The following CACNB2 variants were observed in gnomAD, a reference collection of about 807,000 sequenced individuals.
The protein encoded by CACNB2 is calcium voltage-gated channel auxiliary subunit beta 2.
In CACNB2, 42 loss-of-function variants were observed where a neutral mutation model predicts 73.3. The observed-to-expected ratio is 0.57, with a 90% CI of 0.45 to 0.74. The LOEUF (loss-of-function observed/expected upper bound fraction) is 0.74, where lower values mean the gene tolerates loss of function less well. CACNB2 is among the 30% of genes least tolerant of loss of function. The probability of loss-of-function intolerance (pLI) is 0.00; values close to 1 mark genes in which losing one functional copy is unlikely to be tolerated. For missense variants in CACNB2, 940 were observed against 853.0 expected (o/e 1.10, Z -1.27); for synonymous variants, 348 against 310.3 (o/e 1.12, Z -1.28).
chr10:18,370,401 G>A (rs11013889), intron 2 of CACNB2, among the ~76,000 whole-genome samples: 44,326 of 152,032 alleles, frequency 0.29, 6,888 homozygotes, highest in East Asian at 0.65. Flanking sequence ...GGATTCAAGT[G>A]GTTCTCTTGC....
In CACNB2 at chr10:18,527,689, C is replaced by A; in HGVS notation, c.1046C>A (p.Ser349Ter). The A allele has an allele frequency of 6.2e-7, 1 of 1,607,464 alleles. No homozygotes were observed. The highest frequency in any genetic ancestry group is 1.1e-5 in the South Asian group (1 of 90,938). ...ATAATAGAAAGATCCAACACAAGGT[C>A]AAGCTTAGGTAAGTCTGTGCAATGA... ...HAIIERSNTR[S>*]SLAEVQSEIE... Residue 349 changes from serine (S) to a stop codon, truncating the protein, a stop_gained, in exon 10 of 14, where the codon TCA becomes TAA. Coordinates refer to ENST00000324631, the MANE Select transcript of CACNB2 (RefSeq NM_201596.3). LOFTEE classifies it high-confidence loss of function.
At chr10:18,325,632 C>T (rs567147731) in intron 2 of CACNB2, among the ~76,000 whole-genome samples, 68 of 132,434 alleles carry the variant, frequency 5.1e-4, no homozygotes, top group African/African-American at 1.8e-3. Context: ...TCTTTCTTTC[C>T]TTCTTTTCCT....
chr10:18,186,058 A>G (rs754917706), intron 2 of CACNB2, among the ~76,000 whole-genome samples: 2 of 152,218 alleles, frequency 1.3e-5, no homozygotes, highest in Non-Finnish European at 2.9e-5. Flanking sequence ...TGTCTGCCAC[A>G]TGGAAGTTAT....
At position 18,220,154 on chromosome 10, in the gene CACNB2, TACAC is replaced by T. The variant is rs1307338427; in HGVS notation, c.213+69195_213+69198del. Among the ~76,000 whole-genome samples the T allele has an allele frequency of 9.8e-4, 33 of 33,646 alleles. 3 individuals carry two copies. The highest frequency in any genetic ancestry group is 1.5e-3 in the Non-Finnish European group (23 of 15,404). 22.1% of individuals were successfully genotyped at this position (33,646 alleles called of 152,430 possible). ...ATATATATATATATATATATATATA[TACAC>T]ACACACACACACACATACATATATA... On this transcript the variant is annotated intron_variant, in intron 2 of 13. Coordinates refer to ENST00000324631, the MANE Select transcript of CACNB2 (RefSeq NM_201596.3).
intron 2 of CACNB2, among the ~76,000 whole-genome samples, chr10:18,332,009 C>G (rs2040825946): frequency 6.6e-6 from 1 of 152,082 alleles, no homozygotes; most frequent in Non-Finnish European, 1.5e-5. Flanking sequence ...CCGAGGACAG[C>G]AGGACACCAA....
At position 18,140,944 on chromosome 10, in the gene CACNB2, G is replaced by A; in HGVS notation, c.120+88G>A. ...GTTCTCCCGGCGCCTCCACTGCAGG[G>A]ATCTCTAGCCTCGCACCTCCTCCCC... On this transcript the variant is annotated intron_variant, in intron 1 of 13. Transcript: ENST00000324631. 5 of 1,532,732 alleles carry A rather than the reference G, an allele frequency of 3.3e-6. No homozygotes were observed. The South Asian group carries it at 4.9e-5, about 15-fold the overall frequency. 94.9% of individuals were successfully genotyped at this position (1,532,732 alleles called of 1,614,324 possible). A position where few individuals can be genotyped will look rare whatever the true frequency, so the allele number is the denominator to read the frequency against.
intron 2 of CACNB2, among the ~76,000 whole-genome samples, chr10:18,330,703 C>A (rs2040764879): frequency 6.6e-6 from 1 of 151,828 alleles, no homozygotes; most frequent in Non-Finnish European, 1.5e-5. Context: ...GAGTCTTGCT[C>A]TGTTGCCCAG....
At chr10:18,266,265 C>T (rs2037794697) in intron 2 of CACNB2, among the ~76,000 whole-genome samples, 1 of 152,140 alleles carries the variant, frequency 6.6e-6, no homozygotes, top group South Asian at 2.1e-4. Context: ...AACTGTACTG[C>T]CAAAGGCCAC....
intron 3 of CACNB2, among the ~76,000 whole-genome samples, chr10:18,407,096 CCTG>C (rs1486056316): frequency 8.6e-6 from 1 of 116,250 alleles, no homozygotes; most frequent in African/African-American, 2.9e-5. Flanking sequence ...AAAGTCCAGA[CCTG>C]CTGTTCTGTC....
At chr10:18,152,709 C>CAAAAAAAAAAAAAAAAAA (rs772732675) in intron 2 of CACNB2, among the ~76,000 whole-genome samples, 32 of 49,342 alleles carry the variant, frequency 6.5e-4, no homozygotes, top group East Asian at 3.4e-3. Context: ...TGAAACAGAC[C>CAAAAAAAAAAAAAAAAAA]AAAAAAAAAA....
At chr10:18,374,102 A>G (rs1356867759) in intron 2 of CACNB2, among the ~76,000 whole-genome samples, 1 of 152,268 alleles carries the variant, frequency 6.6e-6, no homozygotes, top group Admixed American at 6.5e-5. Flanking sequence ...GAAGCTATAC[A>G]GTGATTAAAG....
chr10:18,289,210 G>A (rs1032745375), intron 2 of CACNB2, among the ~76,000 whole-genome samples: 5 of 149,984 alleles, frequency 3.3e-5, no homozygotes, highest in African/African-American at 4.9e-5. Flanking sequence ...CTCTACCCCC[G>A]ACCCCCTCCC....
At chr10:18,323,532 CATAGT>C (rs1305432098) in intron 2 of CACNB2, among the ~76,000 whole-genome samples, 1 of 152,002 alleles carries the variant, frequency 6.6e-6, no homozygotes, top group African/African-American at 2.4e-5. Flanking sequence ...CTCATCGAAT[CATAGT>C]ATAGTAATGT....
intron 6 of CACNB2, among the ~76,000 whole-genome samples, chr10:18,511,648 AT>A (rs572022636): frequency 1.4e-3 from 214 of 152,058 alleles, no homozygotes; most frequent in African/African-American, 4.9e-3. Flanking sequence ...CAGTGAGTAA[AT>A]TTTTTTTCTT....
chr10:18,237,809 C>T (rs1365399327), intron 2 of CACNB2, among the ~76,000 whole-genome samples: 1 of 152,108 alleles, frequency 6.6e-6, no homozygotes, highest in Non-Finnish European at 1.5e-5. Flanking sequence ...ACCAGTGTAC[C>T]GCAATATACC....
chr10:18,273,930 T>C (rs1422092376), intron 2 of CACNB2, among the ~76,000 whole-genome samples: 4 of 152,312 alleles, frequency 2.6e-5, no homozygotes, highest in South Asian at 2.1e-4. Context: ...TTTCTTCTTG[T>C]TGTTGGAATT....
At chr10:18,350,483 G>A (rs1021143271) in intron 2 of CACNB2, among the ~76,000 whole-genome samples, 30 of 152,152 alleles carry the variant, frequency 2.0e-4, no homozygotes, top group Admixed American at 5.2e-4. Context: ...GTTTTTGTTT[G>A]TTTTGCCTCT....
intron 2 of CACNB2, among the ~76,000 whole-genome samples, chr10:18,323,688 A>G (rs891391018): frequency 1.1e-4 from 16 of 152,222 alleles, no homozygotes; most frequent in African/African-American, 3.9e-4. Flanking sequence ...GTGAGTCTCA[A>G]TACTGGAAAA....
intron 3 of CACNB2, among the ~76,000 whole-genome samples, chr10:18,492,684 C>A (rs905271404): frequency 6.6e-6 from 1 of 150,656 alleles, no homozygotes; most frequent in African/African-American, 2.4e-5. Context: ...ATGGGAAAAC[C>A]TTACCATTTG....
Sources: allele counts gnomAD v4.1 joint callset (sites outside exome capture counted in the v4.1 genomes callset), GRCh38; gene constraint gnomAD v4.1.1; transcripts MANE v1.5; gene names NCBI Gene and HGNC (gene_info 2026-07-23, HGNC 2026-07-21).